The following ULK4 variants were observed in gnomAD, a reference collection of about 807,000 sequenced individuals.
The protein encoded by ULK4 is inactive serine/threonine-protein kinase ULK4.
ULK4 carries 133 observed loss-of-function variants against 160.6 expected under a neutral mutation model. The ratio of observed to expected loss-of-function variants is 0.83; its 90% CI spans 0.72 to 0.96. The LOEUF (loss-of-function observed/expected upper bound fraction) is 0.96. ULK4 is among the 40% of genes least tolerant of loss of function. ULK4 has a pLI of 0.00. For synonymous variants in ULK4, 534 were observed against 539.8 expected (o/e 0.99, Z 0.15); for missense variants, 1,580 against 1,499.5 (o/e 1.05, Z -0.89).
chr3:41,675,581 C>T (rs1460359727), intron 29 of ULK4, among the ~76,000 whole-genome samples: 1 of 152,018 alleles, frequency 6.6e-6, no homozygotes, highest in Non-Finnish European at 1.5e-5. Flanking sequence ...CAGAGGGAGA[C>T]TCTATCTCAA....
intron 32 of ULK4, among the ~76,000 whole-genome samples, chr3:41,525,738 C>T (rs1227967916): frequency 6.6e-6 from 1 of 152,200 alleles, no homozygotes; most frequent in Non-Finnish European, 1.5e-5. Flanking sequence ...TTTTTATCTG[C>T]ACATTTATTT....
At chr3:41,361,903 A>G (rs1238623358) in intron 35 of ULK4, among the ~76,000 whole-genome samples, 2 of 152,246 alleles carry the variant, frequency 1.3e-5, no homozygotes, top group African/African-American at 4.8e-5. Flanking sequence ...GTAAAACAAG[A>G]TAATTGAGGC....
At chr3:41,759,335 A>G (rs2038911261) in intron 21 of ULK4, among the ~76,000 whole-genome samples, 3 of 152,228 alleles carry the variant, frequency 2.0e-5, no homozygotes, top group Non-Finnish European at 2.9e-5. Flanking sequence ...CAACATACCA[A>G]TAATGAACAA....
intron 22 of ULK4, among the ~76,000 whole-genome samples, chr3:41,740,451 T>G (rs1229577032): frequency 6.6e-6 from 1 of 151,888 alleles, no homozygotes; most frequent in Non-Finnish European, 1.5e-5. Flanking sequence ...GAGAGATGCA[T>G]AGGCCTTATT....
chr3:41,941,339 G>GAAAAA lies in ULK4; in HGVS notation c.139-3147_139-3143dup, dbSNP rs58069829. Among the ~76,000 whole-genome samples the GAAAAA allele has an allele frequency of 1.8e-4, 18 of 101,176 alleles. 1 individual carries two copies. Among genetic ancestry groups the GAAAAA allele is most frequent in the South Asian group, 8.9e-4 (2 of 2,244 alleles). 66.4% of individuals were successfully genotyped at this position (101,176 alleles called of 152,430 possible). A position where few individuals can be genotyped will look rare whatever the true frequency, so the allele number is the denominator to read the frequency against. Reference sequence around the variant, plus strand: ...AGGCATGAGTCACTGTGCCCAGCTTGAAAAAAAAAAAAAAAACCTTTTTTT... The same window carrying GAAAAA: ...AGGCATGAGTCACTGTGCCCAGCTTGAAAAAAAAAAAAAAAAAAAAACCTTTTTTT... On this transcript the variant is annotated intron_variant, in intron 2 of 36. Coordinates refer to ENST00000301831, the MANE Select transcript of ULK4 (RefSeq NM_017886.4).
chr3:41,843,622 T>G (rs2125664625), intron 17 of ULK4, among the ~76,000 whole-genome samples: 1 of 152,010 alleles, frequency 6.6e-6, no homozygotes, highest in South Asian at 2.1e-4. Flanking sequence ...GCTTCAGGAG[T>G]GAAGCTGCAG....
intron 31 of ULK4, among the ~76,000 whole-genome samples, chr3:41,614,424 T>G (rs919525276): frequency 6.6e-6 from 1 of 152,216 alleles, no homozygotes; most frequent in African/African-American, 2.4e-5. Context: ...AATTGGCAAA[T>G]AATGTGTATC....
chr3:41,626,308 G>C (rs1488732648), intron 30 of ULK4, among the ~76,000 whole-genome samples: 1 of 151,990 alleles, frequency 6.6e-6, no homozygotes, highest in East Asian at 1.9e-4. Context: ...GATAGTCCAA[G>C]TGTCAATACA....
chr3:41,869,685 C>A (rs568900339), intron 17 of ULK4, among the ~76,000 whole-genome samples: 2 of 152,144 alleles, frequency 1.3e-5, no homozygotes, highest in Admixed American at 6.5e-5. Flanking sequence ...TTCCTCCAAC[C>A]CTTTGTACAA....
intron 31 of ULK4, among the ~76,000 whole-genome samples, chr3:41,578,139 A>G (rs1041669300): frequency 1.3e-5 from 2 of 152,204 alleles, no homozygotes; most frequent in African/African-American, 4.8e-5. Flanking sequence ...ATCTCTAAAG[A>G]GGTGATAGTC....
At chr3:41,721,011 T>C (rs1457899678) in intron 22 of ULK4, among the ~76,000 whole-genome samples, 1 of 152,020 alleles carries the variant, frequency 6.6e-6, no homozygotes, top group Non-Finnish European at 1.5e-5. Context: ...ATAATTAGAA[T>C]GCGGCTGTCA....
At chr3:41,524,689 C>T (rs527683037) in intron 32 of ULK4, among the ~76,000 whole-genome samples, 7 of 152,172 alleles carry the variant, frequency 4.6e-5, no homozygotes, top group African/African-American at 1.4e-4. Flanking sequence ...CCTGTAATCC[C>T]AGCACTTTGG....
At chr3:41,952,085 T>C (rs1461910800) in intron 2 of ULK4, among the ~76,000 whole-genome samples, 1 of 151,718 alleles carries the variant, frequency 6.6e-6, no homozygotes, top group East Asian at 1.9e-4. Flanking sequence ...GAGGTAAAAA[T>C]ACATAACTAT....
intron 35 of ULK4, among the ~76,000 whole-genome samples, chr3:41,281,488 G>A (rs1241893071): frequency 6.6e-6 from 1 of 152,174 alleles, no homozygotes; most frequent in East Asian, 1.9e-4. Context: ...ATGCAAGGCT[G>A]GCTCAATATA....
rs1007342307 is a variant in ULK4, at chr3:41,367,861, A to G, written c.3678+30218T>C. Among the ~76,000 whole-genome samples, 7 of 152,196 alleles carry G rather than the reference A, an allele frequency of 4.6e-5. No individual in the cohort carries two copies. The East Asian group carries it at 1.3e-3, about 29-fold the overall frequency. The stretch of plus-strand genomic sequence containing the variant: ...CATTTAGAAATATGTTAATATATGT[A>G]TATGTATATATGTATGCAGGTATAC... On this transcript the variant is annotated intron_variant, in intron 35 of 36. Transcript: ENST00000301831.
intron 32 of ULK4, among the ~76,000 whole-genome samples, chr3:41,484,642 C>T (rs35398904): frequency 0.095 from 14,393 of 151,770 alleles, 803 homozygotes; most frequent in Admixed American, 0.13. Flanking sequence ...TTAGTAGAGA[C>T]GGGGTTTCAC....
At chr3:41,570,545 A>G (rs950111698) in intron 31 of ULK4, among the ~76,000 whole-genome samples, 1 of 152,226 alleles carries the variant, frequency 6.6e-6, no homozygotes, top group Non-Finnish European at 1.5e-5. Context: ...AAAATGACAC[A>G]TACTGCTCCT....
intron 32 of ULK4, among the ~76,000 whole-genome samples, chr3:41,525,606 C>T (rs1481773451): frequency 6.6e-6 from 1 of 152,218 alleles, no homozygotes; most frequent in Non-Finnish European, 1.5e-5. Context: ...CCTTACTGTG[C>T]CTTGCACATG....
At chr3:41,635,255 T>C (rs986708667) in intron 30 of ULK4, among the ~76,000 whole-genome samples, 3 of 152,162 alleles carry the variant, frequency 2.0e-5, no homozygotes, top group East Asian at 1.9e-4. Context: ...CTTGAAACCA[T>C]TGAAAAGGCT....
Sources: gnomAD v4.1 joint callset for allele counts (sites outside exome capture counted in the v4.1 genomes callset) on GRCh38, gnomAD v4.1.1 for gene constraint, MANE v1.5 for transcripts, NCBI Gene and HGNC (gene_info 2026-07-23, HGNC 2026-07-21) for gene names.